WBP1L: variants seen among roughly 807,000 people sequenced by gnomAD.
The protein encoded by WBP1L is WW domain binding protein 1 like.
A neutral mutation model predicts 33.7 loss-of-function variants in WBP1L; 17 were observed. The observed-to-expected ratio is 0.50, with a 90% CI of 0.34 to 0.76. The LOEUF (loss-of-function observed/expected upper bound fraction) is 0.76, where lower values mean the gene tolerates loss of function less well. Among genes scored for constraint, WBP1L ranks in the 30% least tolerant of loss-of-function variants. WBP1L has a pLI of 0.01. For missense variants in WBP1L, 389 were observed against 469.4 expected (o/e 0.83, Z 1.58); for synonymous variants, 173 against 190.8 (o/e 0.91, Z 0.77).
At chr10:102,798,127 C>G in intron 2 of WBP1L, 32 bp downstream of exon 2, 4 of 1,585,350 alleles carry the variant, frequency 2.5e-6, no homozygotes, top group Non-Finnish European at 3.5e-6. Context: ...TCTCAGTATC[C>G]CAGGGTCCCA....
At chr10:102,794,205 T>C (rs1843541031) in intron 1 of WBP1L, among the ~76,000 whole-genome samples, 1 of 152,192 alleles carries the variant, frequency 6.6e-6, no homozygotes, top group Non-Finnish European at 1.5e-5. Flanking sequence ...TCCACACCAC[T>C]GTTCTTTGCT....
At chr10:102,797,583 C>T (rs910828182) in intron 1 of WBP1L, among the ~76,000 whole-genome samples, 1 of 152,010 alleles carries the variant, frequency 6.6e-6, no homozygotes. Flanking sequence ...GATGGAGTCT[C>T]GCTCTGTCGC....
intron 1 of WBP1L, among the ~76,000 whole-genome samples, chr10:102,767,469 T>G (rs748900094): frequency 4.6e-5 from 7 of 152,102 alleles, no homozygotes; most frequent in Non-Finnish European, 8.8e-5. Context: ...CTGCAGTGTA[T>G]TATGATGGCC....
intron 1 of WBP1L, among the ~76,000 whole-genome samples, chr10:102,782,218 T>C (rs1843347679): frequency 7.0e-6 from 1 of 143,784 alleles, no homozygotes; most frequent in African/African-American, 2.6e-5. Flanking sequence ...AAGCTGCTTT[T>C]TTTTTTTTTT....
chr10:102,792,293 C>T (rs1385220872), intron 1 of WBP1L, among the ~76,000 whole-genome samples: 3 of 152,214 alleles, frequency 2.0e-5, no homozygotes, highest in African/African-American at 7.2e-5. Flanking sequence ...AAAGGCCTCG[C>T]GTAAGCGCAT....
chr10:102,744,496 G>A, intron 1 of WBP1L: 1 of 985,218 alleles, frequency 1.0e-6, no homozygotes, highest in Non-Finnish European at 1.2e-6. Context: ...AATGCAGTAT[G>A]TACGTCTGTG....
intron 1 of WBP1L, among the ~76,000 whole-genome samples, chr10:102,766,266 A>G (rs1843106462): frequency 6.6e-6 from 1 of 151,354 alleles, no homozygotes; most frequent in Admixed American, 6.6e-5. Context: ...ACATGGAAAA[A>G]CCCCATCTCT....
chr10:102,810,153 G>A lies in WBP1L; in HGVS notation c.355+99G>A, dbSNP rs45584837. On this transcript the variant is annotated intron_variant, in intron 3 of 3. Coordinates refer to ENST00000448841, the MANE Select transcript of WBP1L (RefSeq NM_001083913.2). ...GGTGGCCAGGCTCCTGTAGGCATAG[G>A]GGGTTTGTCCTCTCCCTGCCCCTCC... 2,887 of 1,483,336 alleles carry A rather than the reference G, an allele frequency of 1.9e-3. 8 individuals carry two copies. The highest frequency in any genetic ancestry group is 2.4e-3 in the Non-Finnish European group (2,693 of 1,108,600). The allele number at this position is 1,483,336 out of a possible 1,614,324, so 91.9% of individuals were successfully genotyped here.
At chr10:102,754,387 A>G (rs1386519231) in intron 1 of WBP1L, among the ~76,000 whole-genome samples, 1 of 152,098 alleles carries the variant, frequency 6.6e-6, no homozygotes, top group Non-Finnish European at 1.5e-5. Context: ...CTTTTCTTTG[A>G]GCTTTAAAAT....
At chr10:102,777,028 C>T (rs546280998) in intron 1 of WBP1L, among the ~76,000 whole-genome samples, 6 of 152,234 alleles carry the variant, frequency 3.9e-5, no homozygotes, top group Admixed American at 1.3e-4. Context: ...CTTGATTGCT[C>T]GGTGAGCCGC....
chr10:102,811,506 C>A (rs1431501074), intron 3 of WBP1L, among the ~76,000 whole-genome samples: 2 of 152,234 alleles, frequency 1.3e-5, no homozygotes, highest in African/African-American at 4.8e-5. Flanking sequence ...TGTTTCTTTA[C>A]AATTGTTTCT....
chr10:102,745,370 A>G (rs892330086), intron 1 of WBP1L, among the ~76,000 whole-genome samples: 3 of 152,194 alleles, frequency 2.0e-5, no homozygotes, highest in African/African-American at 7.2e-5. Context: ...GTACACTTAC[A>G]ATGTTGTGCA....
intron 1 of WBP1L, among the ~76,000 whole-genome samples, chr10:102,772,040 AAGCTCT>A (rs2134039023): frequency 6.7e-6 from 1 of 148,442 alleles, no homozygotes; most frequent in South Asian, 2.1e-4. Context: ...AGCTCACTGC[AAGCTCT>A]GCCTCCCGGG....
chr10:102,764,189 AT>A (rs1792896653), intron 1 of WBP1L, among the ~76,000 whole-genome samples: 2 of 152,160 alleles, frequency 1.3e-5, no homozygotes, highest in African/African-American at 4.8e-5. Flanking sequence ...ATGATGACTT[AT>A]GGTGCCTCTC....
At chr10:102,787,852 C>T (rs561586960) in intron 1 of WBP1L, among the ~76,000 whole-genome samples, 1 of 151,822 alleles carries the variant, frequency 6.6e-6, no homozygotes, top group Non-Finnish European at 1.5e-5. Flanking sequence ...CCGAGGTGGG[C>T]GGATCACCTG....
At chr10:102,776,568 T>C in intron 1 of WBP1L, 1 of 1,066,582 alleles carries the variant, frequency 9.4e-7, no homozygotes, top group East Asian at 2.5e-5. Context: ...GTCTCCCTTC[T>C]TGTTTGCTAG....
At chr10:102,772,374 C>A (rs1358306463) in intron 1 of WBP1L, among the ~76,000 whole-genome samples, 1 of 147,312 alleles carries the variant, frequency 6.8e-6, no homozygotes, top group Admixed American at 7.0e-5. Context: ...GATTCTCCTG[C>A]TTCAGTCTCT....
chr10:102,758,210 T>C (rs961175021), intron 1 of WBP1L, among the ~76,000 whole-genome samples: 4 of 152,062 alleles, frequency 2.6e-5, no homozygotes, highest in Non-Finnish European at 2.9e-5. Context: ...AACAGTTTTA[T>C]TAAGATCTAA....
chr10:102,757,882 C>G (rs1396736211), intron 1 of WBP1L, among the ~76,000 whole-genome samples: 3 of 58,836 alleles, frequency 5.1e-5, no homozygotes, highest in Non-Finnish European at 9.6e-5. Flanking sequence ...GCCCTCCCCC[C>G]CCCCCTTTTT....
Sources: allele counts gnomAD v4.1 joint callset (sites outside exome capture counted in the v4.1 genomes callset), GRCh38; gene constraint gnomAD v4.1.1; transcripts MANE v1.5; gene names NCBI Gene and HGNC (gene_info 2026-07-23, HGNC 2026-07-21).